The following LPAR1 variants were observed in gnomAD, a reference collection of about 807,000 sequenced individuals.
LPAR1 encodes the protein LPA receptor 1.
Under a neutral mutation model 23.8 loss-of-function variants are expected in LPAR1, and 5 were observed. That is an observed-to-expected ratio of 0.21 (90% confidence interval 0.11 to 0.44). The LOEUF (loss-of-function observed/expected upper bound fraction) is 0.44, where lower values mean the gene tolerates loss of function less well. Ranked by LOEUF, LPAR1 falls within the 20% of genes least tolerant of loss-of-function variation. The pLI is 0.99. For missense variants in LPAR1, 311 were observed against 482.8 expected (o/e 0.64, Z 3.33); for synonymous variants, 160 against 164.7 (o/e 0.97, Z 0.22).
intron 5 of LPAR1, chr9:110,903,275 A>C (rs1221490484): frequency 8.5e-5 from 13 of 152,172 alleles, no homozygotes; most frequent in Admixed American, 7.9e-4. Flanking sequence ...AATTATTTAG[A>C]AACAAATGAA....
At chr9:110,926,531 G>A (rs887607813) in intron 5 of LPAR1, among the ~76,000 whole-genome samples, 15 of 152,146 alleles carry the variant, frequency 9.9e-5, no homozygotes, top group Non-Finnish European at 4.4e-5. Context: ...AGTAGATCAG[G>A]TGATTTTCAG....
Position 110,873,337 on chromosome 9 carries a change from T to C in LPAR1, c.*2084A>G, listed in dbSNP as rs916138757. Reference sequence around the variant, plus strand: ...ATAATCCATATAGCCTCCAGAAAAATATGCACATGTGTAAAAGTCCACGTT... The same window carrying C: ...ATAATCCATATAGCCTCCAGAAAAACATGCACATGTGTAAAAGTCCACGTT... On this transcript the variant is annotated 3_prime_UTR_variant, in exon 6 of 6. Transcript: ENST00000683809. The C allele has an allele frequency of 2.0e-5, 3 of 152,154 alleles. No homozygotes were observed. The highest frequency in any genetic ancestry group is 4.4e-5 in the Non-Finnish European group (3 of 68,034). 9.4% of individuals were successfully genotyped at this position (152,154 alleles called of 1,614,324 possible).
chr9:110,876,446 T>C (rs1010475246), intron 5 of LPAR1, among the ~76,000 whole-genome samples: 1 of 152,218 alleles, frequency 6.6e-6, no homozygotes, highest in African/African-American at 2.4e-5. Flanking sequence ...CCTATATGCT[T>C]TACCAGTAAT....
intron 2 of LPAR1, among the ~76,000 whole-genome samples, chr9:111,000,115 T>C (rs574086691): frequency 1.3e-5 from 2 of 152,142 alleles, no homozygotes; most frequent in African/African-American, 4.8e-5. Flanking sequence ...GATTTCAACA[T>C]ATGAATTTCA....
At chr9:110,988,296 G>A (rs993883218) in intron 2 of LPAR1, among the ~76,000 whole-genome samples, 1 of 151,820 alleles carries the variant, frequency 6.6e-6, no homozygotes, top group Non-Finnish European at 1.5e-5. Flanking sequence ...ATAAAGAAAT[G>A]AAGGATACCA....
chr9:110,998,740 T>C (rs1269950533), intron 2 of LPAR1, among the ~76,000 whole-genome samples: 1 of 152,188 alleles, frequency 6.6e-6, no homozygotes, highest in Non-Finnish European at 1.5e-5. Flanking sequence ...ACAAAGTCAA[T>C]AGCAAGTTCT....
chr9:110,931,937 G>A (rs1376746774), intron 5 of LPAR1, among the ~76,000 whole-genome samples: 1 of 152,162 alleles, frequency 6.6e-6, no homozygotes, highest in Non-Finnish European at 1.5e-5. Context: ...TTGTAGTATA[G>A]TTTGAAGTCA....
intron 4 of LPAR1, among the ~76,000 whole-genome samples, chr9:110,964,120 C>T (rs755775182): frequency 6.9e-4 from 105 of 152,270 alleles, no homozygotes; most frequent in Admixed American, 1.1e-3. Context: ...ACTCTGAAGC[C>T]TTCTGTGTGT....
At chr9:110,995,963 G>T (rs1010264659) in intron 2 of LPAR1, among the ~76,000 whole-genome samples, 17 of 152,106 alleles carry the variant, frequency 1.1e-4, no homozygotes, top group Non-Finnish European at 2.2e-4. Context: ...GAAGGGAAAA[G>T]GAGCCTCTTT....
intron 5 of LPAR1, among the ~76,000 whole-genome samples, chr9:110,922,100 G>A (rs2093670645): frequency 6.6e-6 from 1 of 152,168 alleles, no homozygotes; most frequent in South Asian, 2.1e-4. Context: ...AACTGGGGAA[G>A]AAGAGTCAAT....
intron 2 of LPAR1, among the ~76,000 whole-genome samples, chr9:110,990,001 G>T (rs1470322185): frequency 1.3e-5 from 2 of 151,782 alleles, no homozygotes; most frequent in Admixed American, 6.6e-5. Context: ...AAACATATTA[G>T]CAGGGATTTT....
chr9:111,008,358 T>C (rs1023980367), intron 2 of LPAR1, among the ~76,000 whole-genome samples: 4 of 151,954 alleles, frequency 2.6e-5, no homozygotes, highest in Admixed American at 2.6e-4. Flanking sequence ...CACCTCCACC[T>C]CTGTAAATGT....
chr9:110,911,072 C>T (rs763828596), intron 5 of LPAR1, among the ~76,000 whole-genome samples: 8 of 152,116 alleles, frequency 5.3e-5, no homozygotes, highest in Non-Finnish European at 8.8e-5. Flanking sequence ...AGGTAAAATG[C>T]TATCAAACAG....
intron 5 of LPAR1, among the ~76,000 whole-genome samples, chr9:110,887,283 A>T (rs577254906): frequency 6.9e-4 from 105 of 152,232 alleles, no homozygotes; most frequent in South Asian, 3.1e-3. Flanking sequence ...AATATTAAAA[A>T]TTTAATCTAA....
At chr9:111,034,730 T>TC (rs1786626498) in intron 2 of LPAR1, among the ~76,000 whole-genome samples, 1 of 152,170 alleles carries the variant, frequency 6.6e-6, no homozygotes, top group Non-Finnish European at 1.5e-5. Flanking sequence ...TGCCCCAATA[T>TC]GTGTTACTCA....
Position 110,873,320 on chromosome 9 carries a change from T to C in LPAR1, c.*2101A>G, listed in dbSNP as rs2078505167. On this transcript the variant is annotated 3_prime_UTR_variant, in exon 6 of 6. Transcript: ENST00000683809. ...TATGCTTTTCATTTCAAATAATCCA[T>C]ATAGCCTCCAGAAAAATATGCACAT... The C allele has an allele frequency of 6.6e-6, 1 of 152,238 alleles. No individual in the cohort carries two copies. The highest frequency in any genetic ancestry group is 6.5e-5 in the Admixed American group (1 of 15,280). 9.4% of individuals were successfully genotyped at this position (152,238 alleles called of 1,614,324 possible).
intron 3 of LPAR1, among the ~76,000 whole-genome samples, chr9:110,972,593 T>C (rs1305924837): frequency 6.6e-6 from 1 of 152,060 alleles, no homozygotes; most frequent in Non-Finnish European, 1.5e-5. Context: ...GCAAAGAGAA[T>C]GCAGTAACCA....
intron 2 of LPAR1, among the ~76,000 whole-genome samples, chr9:111,002,938 A>G (rs1412667611): frequency 2.0e-5 from 3 of 152,130 alleles, no homozygotes; most frequent in Admixed American, 2.0e-4. Flanking sequence ...CAGGAGTTTG[A>G]GACCAGCCTG....
chr9:110,922,350 C>G (rs2093686725), intron 5 of LPAR1, among the ~76,000 whole-genome samples: 1 of 152,114 alleles, frequency 6.6e-6, no homozygotes, highest in South Asian at 2.1e-4. Context: ...TCAATGACAT[C>G]ATGTCCTTGC....
Sources: allele counts gnomAD v4.1 joint callset (sites outside exome capture counted in the v4.1 genomes callset), GRCh38; gene constraint gnomAD v4.1.1; transcripts MANE v1.5; gene names NCBI Gene and HGNC (gene_info 2026-07-23, HGNC 2026-07-21).